Variants in FRK observed in about 807,000 individuals in gnomAD.
FRK encodes fyn related Src family tyrosine kinase.
A neutral mutation model predicts 56.4 loss-of-function variants in FRK; 51 were observed. The ratio of observed to expected loss-of-function variants is 0.90; its 90% CI spans 0.72 to 1.14. The LOEUF is 1.14. FRK is among the 50% of genes most tolerant of loss of function. The probability of loss-of-function intolerance (pLI) is 0.00; values close to 1 mark genes in which losing one functional copy is unlikely to be tolerated. For synonymous variants in FRK, 245 were observed against 217.9 expected (o/e 1.12, Z -1.10); for missense variants, 570 against 601.4 (o/e 0.95, Z 0.55).
At chr6:116,096,207 A>G in the FRK span, among the ~76,000 whole-genome samples, 3 of 152,202 alleles carry the variant, frequency 2.0e-5, no homozygotes, top group Non-Finnish European at 4.4e-5. Context: ...TCTAGAGGAC[A>G]GTACAACTGT....
At chr6:116,028,020 G>A (rs1221309629) in intron 1 of FRK, among the ~76,000 whole-genome samples, 2 of 152,044 alleles carry the variant, frequency 1.3e-5, no homozygotes, top group African/African-American at 2.4e-5. Context: ...GGTAGAAACT[G>A]ACTCCTTTTA....
chr6:116,018,051 T>C (rs763161046), intron 1 of FRK, among the ~76,000 whole-genome samples: 68 of 152,232 alleles, frequency 4.5e-4, no homozygotes, highest in Non-Finnish European at 8.8e-4. Flanking sequence ...TTTAATGTCC[T>C]TTCTGCTGAA....
intron 1 of FRK, chr6:116,039,213 G>A (rs1189893014): frequency 1.4e-6 from 2 of 1,457,424 alleles, no homozygotes; most frequent in East Asian, 2.3e-5. Flanking sequence ...CAGATAACGT[G>A]AAGGACTGGA....
intron 2 of FRK, among the ~76,000 whole-genome samples, chr6:115,990,787 T>G (rs759747717): frequency 6.6e-6 from 1 of 151,716 alleles, no homozygotes; most frequent in Non-Finnish European, 1.5e-5. Flanking sequence ...AATTTTAGAA[T>G]TTTTTTTCTA....
intron 2 of FRK, among the ~76,000 whole-genome samples, chr6:115,969,165 T>C (rs1355736258): frequency 6.6e-6 from 1 of 152,138 alleles, no homozygotes; most frequent in African/African-American, 2.4e-5. Context: ...AGGGAGAAAT[T>C]TCTCCCATGA....
At chr6:116,025,391 T>C (rs975534256) in intron 1 of FRK, among the ~76,000 whole-genome samples, 4 of 152,212 alleles carry the variant, frequency 2.6e-5, no homozygotes, top group Non-Finnish European at 4.4e-5. Context: ...ATGTATTGTT[T>C]GCTTTCACTT....
intron 5 of FRK, among the ~76,000 whole-genome samples, chr6:115,945,856 A>C (rs899993895): frequency 6.6e-6 from 1 of 152,130 alleles, no homozygotes; most frequent in Non-Finnish European, 1.5e-5. Flanking sequence ...ATTCTTTATA[A>C]CTAAGTATAA....
intron 1 of FRK, 134 bp downstream of exon 1, chr6:116,059,834 G>T: frequency 1.3e-6 from 1 of 753,328 alleles, no homozygotes; most frequent in Non-Finnish European, 2.2e-6. Flanking sequence ...TCAATTAGTG[G>T]TTTCTTGCCA....
At chr6:115,945,420 T>C (rs1378868906) in intron 5 of FRK, among the ~76,000 whole-genome samples, 1 of 152,156 alleles carries the variant, frequency 6.6e-6, no homozygotes, top group African/African-American at 2.4e-5. Context: ...TGGTGAGAGA[T>C]GGTATCTCAT....
At chr6:116,066,973 A>G in the FRK span, among the ~76,000 whole-genome samples, 24 of 152,322 alleles carry the variant, frequency 1.6e-4, no homozygotes, top group African/African-American at 5.3e-4. Context: ...CCTAACCCTC[A>G]GCACTTCAGA....
chr6:115,972,770 A>C (rs1773856957), intron 2 of FRK, among the ~76,000 whole-genome samples: 1 of 152,208 alleles, frequency 6.6e-6, no homozygotes, highest in African/African-American at 2.4e-5. Flanking sequence ...CATGCTAAGC[A>C]TGATTTTACA....
chr6:116,013,412 T>C (rs1273333833), intron 1 of FRK, among the ~76,000 whole-genome samples: 3 of 152,192 alleles, frequency 2.0e-5, no homozygotes, highest in Non-Finnish European at 4.4e-5. Context: ...GCCTATATAA[T>C]GACATTTCCA....
intron 1 of FRK, among the ~76,000 whole-genome samples, chr6:116,017,316 C>A (rs534027081): frequency 3.9e-5 from 6 of 152,186 alleles, no homozygotes; most frequent in Non-Finnish European, 8.8e-5. Flanking sequence ...TACTCTTGTG[C>A]CAATCACCAA....
At chr6:116,096,574 T>C in the FRK span, among the ~76,000 whole-genome samples, 1 of 152,156 alleles carries the variant, frequency 6.6e-6, no homozygotes, top group Admixed American at 6.6e-5. Flanking sequence ...ATCAGCACTC[T>C]GCAAAAATGC....
intron 1 of FRK, among the ~76,000 whole-genome samples, chr6:116,058,912 A>G (rs1359911762): frequency 2.7e-5 from 4 of 146,900 alleles, no homozygotes; most frequent in Non-Finnish European, 3.0e-5. Context: ...CTCCGTCTCA[A>G]AAAAAAAAAA....
At chr6:116,086,224 G>A in the FRK span, among the ~76,000 whole-genome samples, 10 of 151,908 alleles carry the variant, frequency 6.6e-5, no homozygotes, top group Non-Finnish European at 1.3e-4. Flanking sequence ...AAAACAAGTC[G>A]CAGGGGACAA....
intron 1 of FRK, among the ~76,000 whole-genome samples, chr6:116,053,746 T>C (rs1378356009): frequency 2.0e-5 from 3 of 152,084 alleles, no homozygotes; most frequent in African/African-American, 7.2e-5. Flanking sequence ...GCAAAAATAA[T>C]CAATACTTTT....
At chr6:116,008,939 A>T (rs1050736492) in intron 1 of FRK, among the ~76,000 whole-genome samples, 1 of 152,194 alleles carries the variant, frequency 6.6e-6, no homozygotes, top group Non-Finnish European at 1.5e-5. Flanking sequence ...AGACAAATCA[A>T]ATGTAACAGA....
chr6:116,013,835 G>C (rs935032388), intron 1 of FRK, among the ~76,000 whole-genome samples: 3 of 152,070 alleles, frequency 2.0e-5, no homozygotes, highest in African/African-American at 7.2e-5. Context: ...CATTCAAGAA[G>C]GGTCAATAAT....
Sources: gnomAD v4.1 joint callset for allele counts (sites outside exome capture counted in the v4.1 genomes callset) on GRCh38, gnomAD v4.1.1 for gene constraint, MANE v1.5 for transcripts, NCBI Gene and HGNC (gene_info 2026-07-23, HGNC 2026-07-21) for gene names.